The following DOCK4 variants were observed in gnomAD, a reference collection of about 807,000 sequenced individuals.
The protein encoded by DOCK4 is dedicator of cytokinesis protein 4.
In DOCK4, 97 loss-of-function variants were observed where a neutral mutation model predicts 268.1. The observed-to-expected ratio is 0.36, with a 90% CI of 0.31 to 0.43. The LOEUF is 0.43. DOCK4 is among the 20% of genes least tolerant of loss of function. The probability of loss-of-function intolerance (pLI) is 1.00; values close to 1 mark genes in which losing one functional copy is unlikely to be tolerated. For missense variants in DOCK4, 2,145 were observed against 2,455.7 expected, an observed-to-expected ratio of 0.87 and a Z score of 2.67; for synonymous variants, 954 against 887.2, an observed-to-expected ratio of 1.08 and a Z score of -1.34.
chr7:111,940,822 T>C (rs73207416), intron 10 of DOCK4, among the ~76,000 whole-genome samples: 6,159 of 152,328 alleles, frequency 0.04, 199 homozygotes, highest in Non-Finnish European at 0.064. Context: ...ATGTTATTAA[T>C]ACATTGTTTT....
chr7:111,928,586 C>CTT (rs200976875), intron 12 of DOCK4, among the ~76,000 whole-genome samples: 4,871 of 129,420 alleles, frequency 0.038, 296 homozygotes, highest in African/African-American at 0.13. Flanking sequence ...TTTTCTTTTT[C>CTT]TTTTTTTTTT....
At chr7:111,844,399 C>T (rs1277033200) in intron 25 of DOCK4, among the ~76,000 whole-genome samples, 1 of 152,180 alleles carries the variant, frequency 6.6e-6, no homozygotes, top group Non-Finnish European at 1.5e-5. Context: ...ACTCAGGGCC[C>T]TGACTCCTAT....
chr7:112,041,326 A>T (rs117971445), intron 1 of DOCK4, among the ~76,000 whole-genome samples: 3,115 of 152,284 alleles, frequency 0.02, 52 homozygotes, highest in Non-Finnish European at 0.032. Context: ...AGAGAAGAAA[A>T]TGGGGTCATG....
intron 13 of DOCK4, 140 bp downstream of exon 13, chr7:111,915,639 T>G: frequency 1.4e-6 from 1 of 734,276 alleles, no homozygotes; most frequent in Non-Finnish European, 2.0e-6. Context: ...ATGTGCTTAC[T>G]TACAGTCACA....
At chr7:111,905,683 ATGTGTGTGTGTGTG>A (rs145889951) in intron 13 of DOCK4, among the ~76,000 whole-genome samples, 1 of 147,624 alleles carries the variant, frequency 6.8e-6, no homozygotes, top group Non-Finnish European at 1.5e-5. Context: ...ATATGCATGT[ATGTGTGTGTGTGTG>A]TGTGTGTGTG....
At chr7:111,823,943 C>G (rs73715270) in intron 26 of DOCK4, among the ~76,000 whole-genome samples, 1 of 152,104 alleles carries the variant, frequency 6.6e-6, no homozygotes, top group Non-Finnish European at 1.5e-5. Context: ...TTTTTATATA[C>G]GCTAACAACT....
At chr7:111,939,961 C>T in intron 11 of DOCK4, 149 bp downstream of exon 11, 1 of 768,702 alleles carries the variant, frequency 1.3e-6, no homozygotes, top group South Asian at 1.8e-5. Context: ...GGCTCACTTG[C>T]AACAAGTCTA....
At chr7:111,823,267 C>T (rs112532565) in intron 26 of DOCK4, among the ~76,000 whole-genome samples, 13,762 of 141,092 alleles carry the variant, frequency 0.098, 2,138 homozygotes, top group African/African-American at 0.34. Context: ...AGTGCAGTGG[C>T]GTGATCTCGG....
intron 15 of DOCK4, among the ~76,000 whole-genome samples, chr7:111,899,092 C>T (rs188016957): frequency 6.8e-4 from 103 of 152,332 alleles, no homozygotes; most frequent in Non-Finnish European, 7.8e-4. Context: ...TGAAACTCTT[C>T]TGGGAATTTG....
At chr7:111,990,066 T>G (rs907930013) in intron 5 of DOCK4, among the ~76,000 whole-genome samples, 1 of 152,202 alleles carries the variant, frequency 6.6e-6, no homozygotes, top group African/African-American at 2.4e-5. Flanking sequence ...TTTGTGCTTG[T>G]TTTTTTCATC....
At position 111,741,669 on chromosome 7, in the gene DOCK4, T is replaced by C. The variant is rs764622040; in HGVS notation, c.4798-8A>G. 3.7e-6 allele frequency: 6 copies of C among 1,611,468 alleles called. No individual in the cohort carries two copies. The East Asian group carries it at 1.3e-4, about 36-fold the overall frequency. ...CATACAAGCAGAGAACTCCTAAAGA[T>C]GTAGTAAAGGAAATATCTCATTACA... is the stretch of plus-strand genomic sequence containing the variant. On this transcript the variant is annotated splice_region_variant and splice_polypyrimidine_tract_variant and intron_variant, in intron 45 of 52. Coordinates refer to ENST00000428084, the MANE Select transcript of DOCK4 (RefSeq NM_001363540.2).
intron 1 of DOCK4, among the ~76,000 whole-genome samples, chr7:112,072,091 TTC>T (rs1208344643): frequency 6.6e-6 from 1 of 152,206 alleles, no homozygotes; most frequent in Non-Finnish European, 1.5e-5. Flanking sequence ...TCAAAACATC[TTC>T]TCTTTTCTTT....
At chr7:111,776,529 G>C (rs1798451160) in intron 36 of DOCK4, among the ~76,000 whole-genome samples, 1 of 152,118 alleles carries the variant, frequency 6.6e-6, no homozygotes, top group Non-Finnish European at 1.5e-5. Context: ...AATGAACAGA[G>C]TTCCAGGAAC....
intron 1 of DOCK4, among the ~76,000 whole-genome samples, chr7:112,181,647 A>AAAAAAAAAAAAAC (rs1819052471): frequency 6.6e-6 from 1 of 151,260 alleles, no homozygotes; most frequent in Admixed American, 6.6e-5. Flanking sequence ...CTCAAAAAAA[A>AAAAAAAAAAAAAC]AAAAAAAAAA....
intron 30 of DOCK4, among the ~76,000 whole-genome samples, chr7:111,793,860 CAA>C (rs919994052): frequency 1.3e-5 from 2 of 151,998 alleles, no homozygotes; most frequent in Non-Finnish European, 2.9e-5. Context: ...TAAAAAAATA[CAA>C]AAAGTTAGCC....
In DOCK4 at chr7:111,989,180, T is replaced by C. The variant is rs756550769; in HGVS notation, c.316-17A>G. 4 of 1,613,504 alleles carry C rather than the reference T, an allele frequency of 2.5e-6. 1 individual carries two copies. The South Asian group carries it at 3.3e-5, about 13-fold the overall frequency. On this transcript the variant is annotated splice_polypyrimidine_tract_variant and intron_variant, in intron 5 of 52. Transcript: ENST00000428084. Reference sequence around the variant, plus strand: ...TTCATTACGCTAAGAAATATACAAATGTGGAGATTTGGCAGTCAGTACCTA... The same window carrying C: ...TTCATTACGCTAAGAAATATACAAACGTGGAGATTTGGCAGTCAGTACCTA...
At chr7:111,755,187 G>A (rs1394932351) in intron 42 of DOCK4, among the ~76,000 whole-genome samples, 1 of 152,148 alleles carries the variant, frequency 6.6e-6, no homozygotes, top group Non-Finnish European at 1.5e-5. Context: ...ATTAGCACTG[G>A]TATGATACAC....
chr7:112,039,693 C>T (rs183365870), intron 1 of DOCK4, among the ~76,000 whole-genome samples: 6 of 151,912 alleles, frequency 3.9e-5, no homozygotes, highest in Middle Eastern at 3.4e-3. Flanking sequence ...ATAACTACTG[C>T]CAACATTTAA....
chr7:111,749,557 A>T (rs1012967319), intron 42 of DOCK4, among the ~76,000 whole-genome samples: 8 of 152,226 alleles, frequency 5.3e-5, no homozygotes, highest in African/African-American at 1.7e-4. Flanking sequence ...TGCTATTAAA[A>T]ATCAAATTTT....
Sources: allele counts gnomAD v4.1 joint callset (sites outside exome capture counted in the v4.1 genomes callset), GRCh38; gene constraint gnomAD v4.1.1; transcripts MANE v1.5; gene names NCBI Gene and HGNC (gene_info 2026-07-23, HGNC 2026-07-21).